The following NME7 variants were observed in gnomAD, a reference collection of about 807,000 sequenced individuals.
The protein encoded by NME7 is NME/NM23 family member 7, also known as nucleoside diphosphate kinase 7.
NME7 carries 41 observed loss-of-function variants against 49.1 expected under a neutral mutation model. The ratio of observed to expected loss-of-function variants is 0.83; its 90% CI spans 0.65 to 1.08. The LOEUF (loss-of-function observed/expected upper bound fraction) is 1.08. NME7 is among the 50% of genes least tolerant of loss of function. The pLI is 0.00. For synonymous variants in NME7, 139 were observed against 150.6 expected, an observed-to-expected ratio of 0.92 and a Z score of 0.56; for missense variants, 423 against 463.4, an observed-to-expected ratio of 0.91 and a Z score of 0.80.
intron 3 of NME7, among the ~76,000 whole-genome samples, chr1:169,321,939 GA>G (rs1421145850): frequency 2.3e-5 from 3 of 127,918 alleles, no homozygotes; most frequent in Non-Finnish European, 3.7e-5. Context: ...CACTCTACAG[GA>G]AAAAAAAACT....
At chr1:169,212,876 A>G (rs545920777) in intron 10 of NME7, among the ~76,000 whole-genome samples, 102 of 151,906 alleles carry the variant, frequency 6.7e-4, no homozygotes, top group Non-Finnish European at 1.3e-3. Flanking sequence ...TGATCCTCCC[A>G]CCTCATCCTC....
At chr1:169,151,797 C>A (rs1658923662) in intron 11 of NME7, among the ~76,000 whole-genome samples, 1 of 151,488 alleles carries the variant, frequency 6.6e-6, no homozygotes, top group Non-Finnish European at 1.5e-5. Flanking sequence ...CCTCTGCAGA[C>A]CCCCTCCCTC....
intron 10 of NME7, among the ~76,000 whole-genome samples, chr1:169,178,908 C>T (rs905357317): frequency 2.0e-5 from 3 of 150,756 alleles, no homozygotes; most frequent in Non-Finnish European, 4.4e-5. Context: ...GCAACCTCCA[C>T]CTCGTGGGTT....
chr1:169,261,357 A>T (rs1013331572), intron 7 of NME7, among the ~76,000 whole-genome samples: 1 of 133,904 alleles, frequency 7.5e-6, no homozygotes, highest in Non-Finnish European at 1.8e-5. Flanking sequence ...AGAAAGATCA[A>T]TCTAAGCACT....
intron 7 of NME7, among the ~76,000 whole-genome samples, chr1:169,282,960 G>T (rs1650086401): frequency 6.6e-6 from 1 of 152,078 alleles, no homozygotes; most frequent in Non-Finnish European, 1.5e-5. Context: ...GGTCTATTAG[G>T]TCTGCTTGGT....
At chr1:169,252,539 T>C (rs1037772036) in intron 7 of NME7, among the ~76,000 whole-genome samples, 5 of 152,134 alleles carry the variant, frequency 3.3e-5, no homozygotes, top group African/African-American at 1.2e-4. Context: ...GTAGTTTCTT[T>C]TGCTGTGCAG....
At chr1:169,207,364 C>T (rs557821132) in intron 10 of NME7, among the ~76,000 whole-genome samples, 56 of 152,084 alleles carry the variant, frequency 3.7e-4, no homozygotes, top group Non-Finnish European at 8.1e-4. Context: ...CTGAGAATCA[C>T]ATTTCAATAT....
chr1:169,208,067 C>T (rs527604237), intron 10 of NME7, among the ~76,000 whole-genome samples: 1 of 152,226 alleles, frequency 6.6e-6, no homozygotes, highest in East Asian at 1.9e-4. Context: ...ATTCACAATG[C>T]ATGTCAGCAT....
At chr1:169,293,128 T>A (rs1197381289) in intron 6 of NME7, among the ~76,000 whole-genome samples, 1 of 148,342 alleles carries the variant, frequency 6.7e-6, no homozygotes, top group East Asian at 3.5e-4. Flanking sequence ...GACCCTGTCT[T>A]TAGAAAAAAT....
intron 6 of NME7, among the ~76,000 whole-genome samples, chr1:169,297,953 A>T (rs1650775324): frequency 6.6e-6 from 1 of 152,206 alleles, no homozygotes; most frequent in Admixed American, 6.5e-5. Context: ...AATCAATTAT[A>T]AAACTGTCTA....
intron 7 of NME7, among the ~76,000 whole-genome samples, chr1:169,242,782 T>G (rs992810694): frequency 2.0e-5 from 3 of 150,750 alleles, no homozygotes; most frequent in African/African-American, 7.3e-5. Flanking sequence ...AATAAATACT[T>G]GAACACTGAA....
Position 169,323,264 on chromosome 1 carries a change from C to T in NME7, c.131G>A (p.Arg44His), listed in dbSNP as rs141747474. ...SVEMHDVKNH[R>H]TFLKRTKYDN... is the part of the protein sequence containing the mutation. ...ATATTTGGTCCGCTTTAAAAAGGTG[C>T]GATGATTCTTTACATCATGCTAGAA... The change falls in exon 3 of 12, where the codon CGC becomes CAC. Residue 44 changes from arginine to histidine, a missense_variant. Arg to His is a conservative substitution (Grantham distance 29, BLOSUM62 0). Transcript: ENST00000367811. The T allele has an allele frequency of 4.1e-5, 65 of 1,594,026 alleles. No homozygotes were observed. In the East Asian group the frequency reaches 7.7e-4, roughly 19 times the overall value.
At chr1:169,232,912 C>CTTTTTTTTTTTTTTTTTTTTT (rs10545228) in intron 9 of NME7, among the ~76,000 whole-genome samples, 14 of 74,534 alleles carry the variant, frequency 1.9e-4, no homozygotes, top group East Asian at 4.3e-4. Flanking sequence ...GTTTTCTTTT[C>CTTTTTTTTTTTTTTTTTTTTT]TTTTTTTTTT....
At chr1:169,211,908 AAT>A (rs1299750093) in intron 10 of NME7, among the ~76,000 whole-genome samples, 2 of 152,164 alleles carry the variant, frequency 1.3e-5, no homozygotes, top group Non-Finnish European at 2.9e-5. Context: ...TTCATAGAAA[AAT>A]ATGATACAAT....
Position 169,260,607 on chromosome 1 carries a change from G to C in NME7, c.755-22920C>G, listed in dbSNP as rs1173649171. ...GAAAAAAAAAAAAGCCTGAAAAGCA[G>C]AACCACAGCATGGTAGGAGGAAACT... On this transcript the variant is annotated intron_variant, in intron 7 of 11. Transcript: ENST00000367811. Among the ~76,000 whole-genome samples the C allele has an allele frequency of 1.5e-5, 2 of 130,908 alleles. 1 individual carries two copies. The highest frequency in any genetic ancestry group is 5.1e-5 in the African/African-American group (2 of 38,970). The allele number at this position is 130,908 out of a possible 152,430, so 85.9% of individuals were successfully genotyped here.
At chr1:169,210,630 C>A (rs1377551170) in intron 10 of NME7, among the ~76,000 whole-genome samples, 3 of 151,938 alleles carry the variant, frequency 2.0e-5, no homozygotes, top group African/African-American at 7.3e-5. Context: ...TAAAGGAGTA[C>A]ACTGTAAATG....
At chr1:169,309,153 A>G (rs1230285986) in intron 4 of NME7, among the ~76,000 whole-genome samples, 1 of 152,184 alleles carries the variant, frequency 6.6e-6, no homozygotes, top group Non-Finnish European at 1.5e-5. Context: ...ACTCCTAATT[A>G]CTTAGACTTC....
At chr1:169,180,446 TC>T (rs1349624851) in intron 10 of NME7, among the ~76,000 whole-genome samples, 1 of 152,194 alleles carries the variant, frequency 6.6e-6, no homozygotes, top group Non-Finnish European at 1.5e-5. Flanking sequence ...AGACCTCCTA[TC>T]CAGCAATGAA....
chr1:169,222,650 G>A (rs986750169), intron 10 of NME7, among the ~76,000 whole-genome samples: 15 of 152,148 alleles, frequency 9.9e-5, no homozygotes, highest in African/African-American at 3.6e-4. Flanking sequence ...CTATGGCGAG[G>A]AGAGGAAGGA....
Sources: allele counts gnomAD v4.1 joint callset (sites outside exome capture counted in the v4.1 genomes callset), GRCh38; gene constraint gnomAD v4.1.1; transcripts MANE v1.5; gene names NCBI Gene and HGNC (gene_info 2026-07-23, HGNC 2026-07-21).